Variants in PPP3CB observed in about 807,000 individuals in gnomAD.
PPP3CB encodes protein phosphatase 3 catalytic subunit beta.
Under a neutral mutation model 66.4 loss-of-function variants are expected in PPP3CB, and 8 were observed. The observed-to-expected ratio is 0.12, with a 90% CI of 0.07 to 0.22. PPP3CB has a LOEUF of 0.22. Among genes scored for constraint, PPP3CB ranks in the 10% least tolerant of loss-of-function variants. The probability of loss-of-function intolerance (pLI) is 1.00; values close to 1 mark genes in which losing one functional copy is unlikely to be tolerated. For missense variants in PPP3CB, 319 were observed against 642.5 expected, an observed-to-expected ratio of 0.50 and a Z score of 5.44; for synonymous variants, 208 against 221.2, an observed-to-expected ratio of 0.94 and a Z score of 0.53.
At position 73,468,765 on chromosome 10, in the gene PPP3CB, T is replaced by C. The variant is rs190250678; in HGVS notation, c.983-1087A>G. Among the ~76,000 whole-genome samples, 13 of 152,344 alleles carry C rather than the reference T, an allele frequency of 8.5e-5. No homozygotes were observed. In the East Asian group the frequency reaches 2.5e-3, roughly 29 times the overall value. ...AATAAGTATATGTTTGTTTCCCATATGAAATTCCCATCTGAAATAAAAGTA... is the reference window on the plus strand; with the variant it reads ...AATAAGTATATGTTTGTTTCCCATACGAAATTCCCATCTGAAATAAAAGTA... On this transcript the variant is annotated intron_variant, in intron 8 of 13. Coordinates refer to ENST00000360663, the MANE Select transcript of PPP3CB (RefSeq NM_021132.4).
At position 73,470,742 on chromosome 10, in the gene PPP3CB, A is replaced by C. The variant is rs1290915554; in HGVS notation, c.927T>G (p.Pro309=). 5 of 1,604,860 alleles carry C rather than the reference A, an allele frequency of 3.1e-6. No homozygotes were observed. Among genetic ancestry groups the C allele is most frequent in the Non-Finnish European group, 4.3e-6 (5 of 1,174,210 alleles). The part of the protein sequence containing the change: ...MYRKSQTTGF[P]SLITIFSAPN... The stretch of plus-strand genomic sequence containing the variant: ...GTGCCGAAAAAATTGTTATTAATGA[A>C]GGGAACCCTGTAGTTTGACTTTTTC... The change falls in exon 8 of 14, where the codon CCT becomes CCG. Residue 309 remains proline, a synonymous_variant. Coordinates refer to ENST00000360663, the MANE Select transcript of PPP3CB (RefSeq NM_021132.4).
chr10:73,453,361 T>C (rs1158327073), intron 10 of PPP3CB, among the ~76,000 whole-genome samples: 2 of 152,222 alleles, frequency 1.3e-5, no homozygotes, highest in African/African-American at 4.8e-5. Flanking sequence ...ATAAGGATAA[T>C]TTAGAACCCA....
At chr10:73,467,298 G>T (rs916190456) in intron 9 of PPP3CB, 72 of 198,958 alleles carry the variant, frequency 3.6e-4, no homozygotes, top group African/African-American at 1.6e-3. Context: ...AAAAAAAAAA[G>T]AAAATCCAAC....
chr10:73,474,248 C>T (rs942829764), intron 4 of PPP3CB, among the ~76,000 whole-genome samples: 1 of 151,988 alleles, frequency 6.6e-6, no homozygotes. Context: ...GCCGTGTTGG[C>T]CAGGCTGGTC....
At chr10:73,457,382 G>C (rs2056446207) in intron 9 of PPP3CB, among the ~76,000 whole-genome samples, 1 of 149,844 alleles carries the variant, frequency 6.7e-6, no homozygotes, top group Admixed American at 6.7e-5. Flanking sequence ...ATTGCAGTGA[G>C]TTACGATTGC....
chr10:73,459,592 A>C (rs897356548), intron 9 of PPP3CB, among the ~76,000 whole-genome samples: 2 of 152,256 alleles, frequency 1.3e-5, no homozygotes, highest in Non-Finnish European at 2.9e-5. Flanking sequence ...TAAAACAAAC[A>C]AAATGTGCTA....
intron 10 of PPP3CB, among the ~76,000 whole-genome samples, chr10:73,448,914 A>T (rs1340248767): frequency 6.6e-6 from 1 of 152,260 alleles, no homozygotes; most frequent in Non-Finnish European, 1.5e-5. Flanking sequence ...AAGATTTCTT[A>T]AAAGACATGT....
rs370952936 is a variant in PPP3CB, at chr10:73,437,562, T to C, written c.*680A>G. ...AGGTTTTCTTCTTAAATCTCTGGGG[T>C]GTAAGTCTTAAAAGATCTGGGCAAA... On this transcript the variant is annotated 3_prime_UTR_variant, in exon 14 of 14. Transcript: ENST00000360663. 1.4e-4 allele frequency: 21 copies of C among 152,748 alleles called. No homozygotes were observed. Among genetic ancestry groups the C allele is most frequent in the South Asian group, 1.0e-3 (5 of 4,830 alleles). 9.5% of individuals were successfully genotyped at this position (152,748 alleles called of 1,614,324 possible).
At chr10:73,491,459 C>T (rs1405038721) in intron 1 of PPP3CB, among the ~76,000 whole-genome samples, 3 of 152,168 alleles carry the variant, frequency 2.0e-5, no homozygotes, top group Middle Eastern at 3.2e-3. Context: ...ACCACTGCTG[C>T]GCCTGGCCTG....
At chr10:73,444,582 T>G in intron 12 of PPP3CB, 143 bp downstream of exon 12, 1 of 1,552,050 alleles carries the variant, frequency 6.4e-7, no homozygotes, top group Non-Finnish European at 8.7e-7. Flanking sequence ...CACTAGCTAA[T>G]ACAGTACCCT....
intron 1 of PPP3CB, among the ~76,000 whole-genome samples, chr10:73,482,200 G>T (rs1421951873): frequency 6.7e-6 from 1 of 149,824 alleles, no homozygotes; most frequent in Non-Finnish European, 1.5e-5. Context: ...TCAGGTCAGA[G>T]AATTTTTTTT....
chr10:73,482,073 GAATT>G (rs1258009643), intron 1 of PPP3CB, among the ~76,000 whole-genome samples: 4 of 152,018 alleles, frequency 2.6e-5, no homozygotes, highest in East Asian at 1.9e-4. Flanking sequence ...CATTTTTAAT[GAATT>G]GATTACTAAA....
intron 9 of PPP3CB, chr10:73,466,907 G>A (rs945804659): frequency 6.6e-6 from 1 of 151,996 alleles, no homozygotes; most frequent in African/African-American, 2.4e-5. Context: ...GAACATGATA[G>A]GTAACAAAAT....
At chr10:73,478,669 A>C in intron 2 of PPP3CB, 46 bp from the exon 3 acceptor site, 3 of 1,548,450 alleles carry the variant, frequency 1.9e-6, no homozygotes, top group Non-Finnish European at 2.6e-6. Context: ...TCTCTAAAAC[A>C]ACAAATTTTA....
chr10:73,493,266 A>G (rs2133057643), intron 1 of PPP3CB, among the ~76,000 whole-genome samples: 1 of 146,336 alleles, frequency 6.8e-6, no homozygotes, highest in Admixed American at 6.8e-5. Flanking sequence ...CAAGAGTGAA[A>G]CTCCGTCTCA....
At chr10:73,441,209 T>C (rs910284936) in intron 12 of PPP3CB, among the ~76,000 whole-genome samples, 1 of 152,162 alleles carries the variant, frequency 6.6e-6, no homozygotes, top group Non-Finnish European at 1.5e-5. Flanking sequence ...AGTTAGAAAA[T>C]GTTGATCTTA....
chr10:73,439,769 T>C, intron 13 of PPP3CB, 103 bp downstream of exon 13: 1 of 1,314,494 alleles, frequency 7.6e-7, no homozygotes, highest in Non-Finnish European at 1.1e-6. Flanking sequence ...GTCTGATTCA[T>C]CTTGGGCTGT....
At chr10:73,475,153 A>G (rs1353484757) in intron 3 of PPP3CB, 123 bp from the exon 4 acceptor site, 1 of 1,283,680 alleles carries the variant, frequency 7.8e-7, no homozygotes, top group African/African-American at 1.5e-5. Context: ...GTCCCTTACT[A>G]AAATATAAGC....
chr10:73,481,470 A>AATAT (rs143321409), intron 1 of PPP3CB, among the ~76,000 whole-genome samples: 15 of 146,954 alleles, frequency 1.0e-4, no homozygotes, highest in African/African-American at 1.2e-4. Context: ...GACTCCATCA[A>AATAT]ATATATATAT....
Sources: allele counts gnomAD v4.1 joint callset (sites outside exome capture counted in the v4.1 genomes callset), GRCh38; gene constraint gnomAD v4.1.1; transcripts MANE v1.5; gene names NCBI Gene and HGNC (gene_info 2026-07-23, HGNC 2026-07-21).